The following C2 variants were observed in gnomAD, a reference collection of about 807,000 sequenced individuals.
The protein encoded by C2 is C3/C5 convertase.
Under a neutral mutation model 85.2 loss-of-function variants are expected in C2, and 64 were observed. The observed-to-expected ratio is 0.75, with a 90% CI of 0.61 to 0.92. The LOEUF is 0.92. Among genes scored for constraint, C2 ranks in the 40% least tolerant of loss-of-function variants. The pLI, the probability that C2 is intolerant of heterozygous loss-of-function variation, is 0.00. For missense variants in C2, 820 were observed against 971.6 expected, an observed-to-expected ratio of 0.84 and a Z score of 2.07; for synonymous variants, 311 against 370.8, an observed-to-expected ratio of 0.84 and a Z score of 1.85.
Position 31,939,284 on chromosome 6 carries a change from A to ATCC in C2, c.1185_1187dup (p.Leu396dup). The ATCC allele has an allele frequency of 2.5e-6, 4 of 1,612,624 alleles. No individual in the cohort carries two copies. The highest frequency in any genetic ancestry group is 3.4e-6 in the Non-Finnish European group (4 of 1,179,904). On this transcript the variant is annotated inframe_insertion, in exon 9 of 18. Coordinates refer to ENST00000299367, the MANE Select transcript of C2 (RefSeq NM_000063.6). Reference sequence around the variant, plus strand: ...GACAGCTGTTGACCATATCAGAGAGATCCTGAACATCAACCAGAAGAGGAA... The same window carrying ATCC: ...GACAGCTGTTGACCATATCAGAGAGATCCTCCTGAACATCAACCAGAAGAGGAA...
Position 31,945,643 on chromosome 6 carries a change from T to C in C2, c.*286T>C, listed in dbSNP as rs948285998. On this transcript the variant is annotated 3_prime_UTR_variant, in exon 18 of 18. Transcript: ENST00000299367. This position sits in a 1 kb window ranked among gnomAD's most constrained non-coding sequence, Gnocchi z 5.3. The stretch of plus-strand genomic sequence containing the variant: ...ACTTTCACATGGAATTTCCCAGTTA[T>C]GAAATTAATAAAAATCAATGGTTTC... The C allele has an allele frequency of 8.8e-6, 5 of 568,872 alleles. No homozygotes were observed. The highest frequency in any genetic ancestry group is 7.5e-5 in the African/African-American group (4 of 53,392). The allele number at this position is 568,872 out of a possible 1,614,324, so 35.2% of individuals were successfully genotyped here. A position where few individuals can be genotyped will look rare whatever the true frequency, so the allele number is the denominator to read the frequency against.
Position 31,945,116 on chromosome 6 carries a change from G to GCTTAC in C2, c.2080-62_2080-61insCTTAC. 3.7e-6 allele frequency: 6 copies of GCTTAC among 1,609,852 alleles called. No individual in the cohort carries two copies. Among genetic ancestry groups the GCTTAC allele is most frequent in the Non-Finnish European group, 5.1e-6 (6 of 1,177,232 alleles). On this transcript the variant is annotated intron_variant, in intron 17 of 17. Coordinates refer to ENST00000299367, the MANE Select transcript of C2 (RefSeq NM_000063.6). This position sits in a 1 kb window ranked among gnomAD's most constrained non-coding sequence, Gnocchi z 5.3. ...GAGGGAGGCCTTTGAGGGATCTAGGGAGGTTGGGGCTTACAGTTGGGGCTG... is the reference window on the plus strand; with the variant it reads ...GAGGGAGGCCTTTGAGGGATCTAGGGCTTACAGGTTGGGGCTTACAGTTGGGGCTG...
chr6:31,913,557 G>C (rs1768271942), intron 1 of C2, among the ~76,000 whole-genome samples: 1 of 152,180 alleles, frequency 6.6e-6, no homozygotes. Flanking sequence ...GTCTGGGCAA[G>C]TCTGGGCAAC....
upstream of C2, among the ~76,000 whole-genome samples, chr6:31,899,069 GAA>G (rs750497811): frequency 6.8e-6 from 1 of 146,056 alleles, no homozygotes; most frequent in East Asian, 2.0e-4. Flanking sequence ...GAGTGTAAAG[GAA>G]AAAAAAAAGT....
At chr6:31,900,929 A>T, upstream of C2, 1 of 1,614,166 alleles carries the variant, frequency 6.2e-7, no homozygotes, top group Non-Finnish European at 8.5e-7. The surrounding 1 kb of genome is among the most constrained non-coding windows in gnomAD (Gnocchi z 9.7). Flanking sequence ...GGGCTCAATG[A>T]ACTGGCTGAG....
In C2 at chr6:31,943,321, T is replaced by C. The variant is rs761681406; in HGVS notation, c.1455+2T>C. On this transcript the variant is annotated splice_donor_variant, in intron 11 of 17. Transcript: ENST00000299367. LOFTEE classifies it high-confidence loss of function. The surrounding 1 kb of genome is among the most constrained non-coding windows in gnomAD (Gnocchi z 6.4). ...ACACCCTGGCATGTCACTATTAAGG[T>C]ACCAGGAAGGAGGGGCAGGGCTTGG... 4.3e-6 allele frequency: 7 copies of C among 1,612,600 alleles called. No individual in the cohort carries two copies. The highest frequency in any genetic ancestry group is 1.7e-5 in the Admixed American group (1 of 60,028).
chr6:31,898,525 G>A (rs779135037), upstream of C2, among the ~76,000 whole-genome samples: 15 of 152,150 alleles, frequency 9.9e-5, no homozygotes, highest in Non-Finnish European at 1.9e-4. Flanking sequence ...ATTTGACACA[G>A]GCAGGTGGGG....
In C2 at chr6:31,943,849, G is replaced by C; in HGVS notation, c.1733+40G>C. 1 of 1,612,328 alleles carries C rather than the reference G, an allele frequency of 6.2e-7. No homozygotes were observed. Among genetic ancestry groups the C allele is most frequent in the Non-Finnish European group, 8.5e-7 (1 of 1,179,466 alleles). Reference sequence around the variant, plus strand: ...GGATGGGAGGGTGCCCTGCAGGGAAGAGTGCTCTGGAGATCCCTGGAAGAG... The same window carrying C: ...GGATGGGAGGGTGCCCTGCAGGGAACAGTGCTCTGGAGATCCCTGGAAGAG... On this transcript the variant is annotated intron_variant, in intron 13 of 17. Coordinates refer to ENST00000299367, the MANE Select transcript of C2 (RefSeq NM_000063.6). This position sits in a 1 kb window ranked among gnomAD's most constrained non-coding sequence, Gnocchi z 6.4.
Position 31,904,823 on chromosome 6 carries a change from C to T in C2, c.73+3684C>T, listed in dbSNP as rs1431342599. Reference sequence around the variant, plus strand: ...AGATGGGACAGGGGGCCTAACTCAGCCCATGGCTCAAGACAGGTAGTCCTT... The same window carrying T: ...AGATGGGACAGGGGGCCTAACTCAGTCCATGGCTCAAGACAGGTAGTCCTT... On this transcript the variant is annotated intron_variant, in intron 1 of 3. Coordinates refer to the C2 transcript ENST00000452202. This position sits in a 1 kb window ranked among gnomAD's most constrained non-coding sequence, Gnocchi z 4.4. Among the ~76,000 whole-genome samples the T allele has an allele frequency of 6.6e-6, 1 of 151,906 alleles. No homozygotes were observed. Among genetic ancestry groups the T allele is most frequent in the Non-Finnish European group, 1.5e-5 (1 of 68,016 alleles).
chr6:31,943,004 A>C lies in C2; in HGVS notation c.1265A>C (p.Glu422Ala). Residue 422 changes from glutamate (E) to alanine (A), a missense_variant, in exon 10 of 18, where the codon GAA becomes GCA. Physicochemically the swap from Glu to Ala is moderately radical, Grantham distance 107 (BLOSUM62 -1). Transcript: ENST00000299367. This position sits in a 1 kb window ranked among gnomAD's most constrained non-coding sequence, Gnocchi z 6.4. ...GGCAAGCTGGATGTGGACTGGAGAG[A>C]ACTGAATGAGCTAGGGTCCAAGAAG... ...GVGKLDVDWR[E>A]LNELGSKKDG... 4 of 1,613,014 alleles carry C rather than the reference A, an allele frequency of 2.5e-6. No individual in the cohort carries two copies. The highest frequency in any genetic ancestry group is 3.4e-6 in the Non-Finnish European group (4 of 1,180,022).
intron 1 of C2, among the ~76,000 whole-genome samples, chr6:31,911,878 C>T (rs1332305925): frequency 6.6e-6 from 1 of 151,660 alleles, no homozygotes; most frequent in African/African-American, 2.4e-5. Flanking sequence ...GATTTGCCCG[C>T]CTCAGCCTCC....
intron 1 of C2, among the ~76,000 whole-genome samples, chr6:31,911,576 T>A (rs1768100688): frequency 6.6e-6 from 1 of 151,922 alleles, no homozygotes; most frequent in Non-Finnish European, 1.5e-5. Context: ...GAGTTTTAAT[T>A]CGGAGTCTGA....
intron 3 of C2, among the ~76,000 whole-genome samples, chr6:31,932,196 G>C (rs1769884426): frequency 1.4e-5 from 2 of 145,356 alleles, no homozygotes; most frequent in African/African-American, 5.1e-5. Context: ...GGGCGGCCGG[G>C]CAGAGGCGCC....
chr6:31,944,576 T>G lies in C2; in HGVS notation c.1903-151T>G, dbSNP rs1246567612. ...TTGTATTTTTAGTAGAGACGGGATT[T>G]CGCCATGTTGGCCAGGATGGTCTTG... On this transcript the variant is annotated intron_variant, in intron 15 of 17. Transcript: ENST00000299367. The surrounding 1 kb of genome is among the most constrained non-coding windows in gnomAD (Gnocchi z 5.1). 2.3e-6 allele frequency: 2 copies of G among 872,104 alleles called. No individual in the cohort carries two copies. The highest frequency in any genetic ancestry group is 3.9e-6 in the Non-Finnish European group (2 of 518,788). 54.0% of individuals were successfully genotyped at this position (872,104 alleles called of 1,614,324 possible).
At chr6:31,913,030 CAAA>C (rs34465217) in intron 1 of C2, among the ~76,000 whole-genome samples, 2 of 70,548 alleles carry the variant, frequency 2.8e-5, no homozygotes, top group Admixed American at 1.7e-4. Flanking sequence ...CCTGTTTCCA[CAAA>C]AAAAAAAAAA....
In C2 at chr6:31,935,948, G is replaced by T; in HGVS notation, c.875G>T (p.Ser292Ile). The change falls in exon 7 of 18, where the codon AGC (serine) becomes ATC (isoleucine). Residue 292 changes from serine (S) to isoleucine (I), a missense_variant. Coordinates refer to ENST00000299367, the MANE Select transcript of C2 (RefSeq NM_000063.6). The surrounding 1 kb of genome is among the most constrained non-coding windows in gnomAD (Gnocchi z 4.3). ...ATCTTCAGCTTTGAGATCAATGTGA[G>T]CGTTGCCATTATCACCTTTGCCTCA... Reference protein sequence around the residue: ...DRIFSFEINVSVAIITFASEP... With the variant: ...DRIFSFEINVIVAIITFASEP... 6.2e-7 allele frequency: 1 copy of T among 1,613,044 alleles called. No homozygotes were observed. The highest frequency in any genetic ancestry group is 2.2e-5 in the East Asian group (1 of 44,876).
In C2 at chr6:31,945,277, G is replaced by C; in HGVS notation, c.2179G>C (p.Asp727His). The C allele has an allele frequency of 3.7e-6, 6 of 1,613,028 alleles. No homozygotes were observed. The highest frequency in any genetic ancestry group is 1.7e-5 in the Admixed American group (1 of 60,018). Residue 727 changes from aspartate to histidine, a missense_variant, in exon 18 of 18, where the codon GAC becomes CAC. By Grantham distance (81) the Asp-to-His change is moderately conservative. Transcript: ENST00000299367. This position sits in a 1 kb window ranked among gnomAD's most constrained non-coding sequence, Gnocchi z 5.3. ...APRSKVPPPR[D>H]FHINLFRMQP... ...TCGTAGCAAGGTCCCGCCGCCACGA[G>C]ACTTTCACATCAATCTCTTCCGCAT...
chr6:31,944,836 A>G lies in C2; in HGVS notation c.2012A>G (p.Asp671Gly), dbSNP rs770223852. 1.2e-6 allele frequency: 2 copies of G among 1,613,028 alleles called. No individual in the cohort carries two copies. Among genetic ancestry groups the G allele is most frequent in the Non-Finnish European group, 1.7e-6 (2 of 1,180,010 alleles). Reference protein sequence around the residue: ...DQFLCSGTQEDESPCKGESGG... With the variant: ...DQFLCSGTQEGESPCKGESGG... The stretch of plus-strand genomic sequence containing the variant: ...TTCCTATGCAGTGGGACCCAGGAGG[A>G]TGAGAGTCCCTGCAAGGGTGAGTCC... Residue 671 changes from aspartate to glycine, a missense_variant, in exon 16 of 18, where the codon GAT becomes GGT. Transcript: ENST00000299367. The surrounding 1 kb of genome is among the most constrained non-coding windows in gnomAD (Gnocchi z 5.1).
chr6:31,909,882 G>GT (rs1054793507), intron 1 of C2, among the ~76,000 whole-genome samples: 17 of 150,660 alleles, frequency 1.1e-4, no homozygotes, highest in African/African-American at 4.2e-4. Context: ...GTTTTTTTTT[G>GT]TTTTTTGTTT....
Sources: allele counts gnomAD v4.1 joint callset (sites outside exome capture counted in the v4.1 genomes callset), GRCh38; gene constraint gnomAD v4.1.1; non-coding constraint Gnocchi (gnomAD v3.1); transcripts MANE v1.5; gene names NCBI Gene and HGNC (gene_info 2026-07-23, HGNC 2026-07-21).